MUC4: variants seen among roughly 807,000 people sequenced by gnomAD.
MUC4 encodes mucin-4.
In MUC4, 202 loss-of-function variants were observed where a neutral mutation model predicts 257.9. The ratio of observed to expected loss-of-function variants is 0.78; its 90% confidence interval spans 0.70 to 0.88. The LOEUF (loss-of-function observed/expected upper bound fraction) is 0.88. Among genes scored for constraint, MUC4 ranks in the 40% least tolerant of loss-of-function variants. The probability of loss-of-function intolerance (pLI) is 0.00; values close to 1 mark genes in which losing one functional copy is unlikely to be tolerated. For synonymous variants in MUC4, 2,351 were observed against 2,757.1 expected (o/e 0.85, Z 4.62); for missense variants, 5,976 against 6,513.7 (o/e 0.92, Z 2.84).
At position 195,784,131 on chromosome 3, in the gene MUC4, G is replaced by A. The variant is rs757710384; in HGVS notation, c.7449C>T (p.Val2483=). ...VSTGHTTPLL[V]TDASSVSTGD... ...CTGTGGATACTGACGAAGCGTCGGT[G>A]ACAAGAAGAGGGGTGGTGTGACCTG... The change falls in exon 2 of 25, where the codon GTC becomes GTT. Residue 2483 remains valine, a synonymous_variant. Transcript: ENST00000463781. 9.1e-6 allele frequency: 14 copies of A among 1,533,774 alleles called. 1 individual carries two copies. In the African/African-American group the frequency reaches 1.4e-4, roughly 15 times the overall value.
chr3:195,806,739 G>A (rs908734710), intron 1 of MUC4, among the ~76,000 whole-genome samples: 3 of 152,196 alleles, frequency 2.0e-5, no homozygotes, highest in African/African-American at 7.2e-5. Context: ...GGAGACCTGG[G>A]TTCTAGTCCC....
At chr3:195,759,461 A>G (rs1357840690) in intron 16 of MUC4, among the ~76,000 whole-genome samples, 200 bp from the exon 17 acceptor site, 4 of 152,156 alleles carry the variant, frequency 2.6e-5, no homozygotes, top group Admixed American at 2.0e-4. Flanking sequence ...CCAAATCTTT[A>G]GCCTCTTTCT....
In MUC4 at chr3:195,747,094, C is replaced by T. The variant is rs1715175017; in HGVS notation, c.*82G>A. 8.4e-6 allele frequency: 13 copies of T among 1,552,332 alleles called. No homozygotes were observed. Among genetic ancestry groups the T allele is most frequent in the South Asian group, 6.8e-5 (6 of 87,768 alleles). On this transcript the variant is annotated 3_prime_UTR_variant, in exon 25 of 25. Transcript: ENST00000463781. ...CAGCCTTCAGTCACCTTCCCTTTTC[C>T]AGTCTCCCAAAAGCAATGGCGCCTT...
At chr3:195,748,180 C>A (rs1715515942) in intron 24 of MUC4, among the ~76,000 whole-genome samples, 1 of 152,414 alleles carries the variant, frequency 6.6e-6, no homozygotes, top group Admixed American at 6.5e-5. Context: ...CCTCGCTTGA[C>A]TGAGGGGCAG....
At position 195,775,423 on chromosome 3, in the gene MUC4, A is replaced by G. The variant is rs113546887; in HGVS notation, c.12944-1118T>C. Among the ~76,000 whole-genome samples the G allele has an allele frequency of 7.1e-4, 72 of 101,958 alleles. 2 individuals are homozygous for G. Among genetic ancestry groups the G allele is most frequent in the African/African-American group, 2.1e-3 (50 of 23,382 alleles). The allele number at this position is 101,958 out of a possible 152,430, so 66.9% of individuals were successfully genotyped here. ...TACCTTCCACACCCATACCTTCCACACCCATACCTTCCACACCCATACCTT... is the reference window on the plus strand; with the variant it reads ...TACCTTCCACACCCATACCTTCCACGCCCATACCTTCCACACCCATACCTT... On this transcript the variant is annotated intron_variant, in intron 3 of 24. Coordinates refer to ENST00000463781, the MANE Select transcript of MUC4 (RefSeq NM_018406.7).
At chr3:195,759,367 T>C (rs1021221258) in intron 16 of MUC4, 106 bp from the exon 17 acceptor site, 2 of 1,405,652 alleles carry the variant, frequency 1.4e-6, no homozygotes, top group East Asian at 4.6e-5. Context: ...CCCAGGACTG[T>C]GACCCACCTC....
intron 16 of MUC4, among the ~76,000 whole-genome samples, chr3:195,759,918 A>AACACACACACACATGCACGCACGC (rs1718424747): frequency 1.3e-5 from 2 of 149,738 alleles, no homozygotes; most frequent in Non-Finnish European, 3.0e-5. Context: ...AAACTCCGTC[A>AACACACACACACATGCACGCACGC]ACACACACAC....
intron 5 of MUC4, chr3:195,770,586 C>T (rs879108543): frequency 5.0e-6 from 3 of 599,656 alleles, no homozygotes; most frequent in South Asian, 4.1e-5. Flanking sequence ...AATGCAGGGT[C>T]GTGGCCCAGA....
At chr3:195,775,452 CACCCATACCTTCCACA>C (rs1444027682) in intron 3 of MUC4, among the ~76,000 whole-genome samples, 3 of 117,976 alleles carry the variant, frequency 2.5e-5, no homozygotes, top group Admixed American at 8.0e-5. Flanking sequence ...ATACCTTCCA[CACCCATACCTTCCACA>C]GTCATACCTT....
intron 1 of MUC4, among the ~76,000 whole-genome samples, chr3:195,793,585 C>T (rs1276507874): frequency 2.0e-5 from 3 of 152,120 alleles, no homozygotes; most frequent in Non-Finnish European, 4.4e-5. Flanking sequence ...CTGATAAGCA[C>T]TGCTTCAAAT....
Position 195,786,072 on chromosome 3 carries a change from A to C in MUC4, c.5508T>G (p.Gly1836=). The C allele has an allele frequency of 2.0e-6, 3 of 1,533,698 alleles. No homozygotes were observed. The highest frequency in any genetic ancestry group is 8.8e-7 in the Non-Finnish European group (1 of 1,137,970). The stretch of plus-strand genomic sequence containing the variant: ...TGGTGACAGGAAGAGAGGTGGTGTC[A>C]CCTGTGGATGCTGAGGAAGCGTCGG... ...PVTDASSAST[G]DTTSLPVTIP... The change falls in exon 2 of 25, where the codon GGT becomes GGG. Residue 1836 remains glycine (G), a synonymous_variant. Transcript: ENST00000463781.
At chr3:195,767,885 A>G (rs1721816852) in intron 7 of MUC4, among the ~76,000 whole-genome samples, 28 of 142,026 alleles carry the variant, frequency 2.0e-4, no homozygotes, top group African/African-American at 8.0e-4. Flanking sequence ...CATCACCACC[A>G]TCACCACCAC....
chr3:195,755,278 G>A lies in MUC4; in HGVS notation c.15169-906C>T, dbSNP rs1448738858. The stretch of plus-strand genomic sequence containing the variant: ...TGTCTCGATCTCGGCTCACTGCAAT[G>A]TCCCCCTCCCAAGTTAAAGCAATTC... On this transcript the variant is annotated intron_variant, in intron 18 of 24. Coordinates refer to ENST00000463781, the MANE Select transcript of MUC4 (RefSeq NM_018406.7). The surrounding 1 kb of genome is among the most constrained non-coding windows in gnomAD (Gnocchi z 5.0). Among the ~76,000 whole-genome samples, 1 of 150,764 alleles carries A rather than the reference G, an allele frequency of 6.6e-6. No individual in the cohort carries two copies. Among genetic ancestry groups the A allele is most frequent in the East Asian group, 1.9e-4 (1 of 5,134 alleles).
Position 195,788,693 on chromosome 3 carries a change from C to T in MUC4, c.2887G>A (p.Gly963Ser), listed in dbSNP as rs370236800. ...ATGAGGGCCGTGGTGAAGGTTTTAC[C>T]AGACCCTGAAGGTGACAGAGTGTGG... The part of the protein sequence containing the change: ...ETHTLSPSGS[G>S]KTFTTALISN... Residue 963 changes from glycine (G) to serine (S), a missense_variant, in exon 2 of 25, where the codon GGT becomes AGT. Physicochemically the swap from Gly to Ser is moderately conservative, Grantham distance 56 (BLOSUM62 0). This residue lies in a region of MUC4 where 1,583 missense variants were observed against 1,257.4 expected (regional missense o/e 1.26). Coordinates refer to ENST00000463781, the MANE Select transcript of MUC4 (RefSeq NM_018406.7). The T allele has an allele frequency of 4.3e-6, 7 of 1,613,454 alleles. No homozygotes were observed. The South Asian group carries it at 7.7e-5, about 18-fold the overall frequency.
rs1383700948 is a variant in MUC4, at chr3:195,786,529, G to C, written c.5051C>G (p.Thr1684Ser). ...STGHATPLPVTGLSSATTDDT... is the reference protein window; with the variant it reads ...STGHATPLPVSGLSSATTDDT... ...ATCTGTGGTAGCTGAGGAAAGGCCGGTGACAGGAAGAGGGGTGGCGTGACC... is the reference window on the plus strand; with the variant it reads ...ATCTGTGGTAGCTGAGGAAAGGCCGCTGACAGGAAGAGGGGTGGCGTGACC... The change falls in exon 2 of 25, where the codon ACC becomes AGC. Residue 1684 changes from threonine (T) to serine (S), a missense_variant. By Grantham distance (58) the Thr-to-Ser change is moderately conservative. Around this residue, in one of 44 missense-constraint regions of MUC4, gnomAD observed 138 missense variants for 107.8 expected, o/e 1.28. Coordinates refer to ENST00000463781, the MANE Select transcript of MUC4 (RefSeq NM_018406.7). 2.0e-6 allele frequency: 3 copies of C among 1,516,000 alleles called. No individual in the cohort carries two copies. The highest frequency in any genetic ancestry group is 1.8e-6 in the Non-Finnish European group (2 of 1,123,464). 93.9% of individuals were successfully genotyped at this position (1,516,000 alleles called of 1,614,324 possible).
rs371696097 is a variant in MUC4, at chr3:195,761,134, G to A, written c.14615-17C>T. 3.2e-5 allele frequency: 51 copies of A among 1,597,930 alleles called. No homozygotes were observed. The highest frequency in any genetic ancestry group is 8.0e-5 in the African/African-American group (6 of 74,610). ...TGATCTGCCCTGTAACACACAGAGC[G>A]CGGTGGTACCAGGCATGGCACTCAG... On this transcript the variant is annotated splice_polypyrimidine_tract_variant and intron_variant, in intron 15 of 24. Transcript: ENST00000463781.
intron 4 of MUC4, among the ~76,000 whole-genome samples, chr3:195,772,761 C>A (rs112974991): frequency 0.031 from 3,768 of 121,438 alleles, 10 homozygotes; most frequent in African/African-American, 0.073. Context: ...GGTGTAGACA[C>A]CCCCTCTCCA....
At chr3:195,771,009 TC>T in intron 5 of MUC4, 1 of 343,244 alleles carries the variant, frequency 2.9e-6, no homozygotes, top group Non-Finnish European at 5.9e-6. Context: ...TCCTGGTCAG[TC>T]TCGTGGTTGG....
chr3:195,780,034 A>C lies in MUC4; in HGVS notation c.11546T>G (p.Val3849Gly). Residue 3849 changes from valine (V) to glycine (G), a missense_variant, in exon 2 of 25, where the codon GTA becomes GGA. Physicochemically the swap from Val to Gly is moderately radical, Grantham distance 109 (BLOSUM62 -3). This residue lies in a region of MUC4 where 330 missense variants were observed against 262.0 expected (regional missense o/e 1.26). Transcript: ENST00000463781. ...TPLPVTIPSS[V>G]STGDTMPLPV... ...AAGAGGCATGGTGTCACCTGTGGAT[A>C]CTGAGGAAGGGATGGTGACAGGAAG... The C allele has an allele frequency of 1.7e-5, 11 of 632,594 alleles. No homozygotes were observed. Among genetic ancestry groups the C allele is most frequent in the Admixed American group, 5.7e-5 (1 of 17,648 alleles). 39.2% of individuals were successfully genotyped at this position (632,594 alleles called of 1,614,324 possible).
Sources: allele counts gnomAD v4.1 joint callset (sites outside exome capture counted in the v4.1 genomes callset), GRCh38; gene constraint gnomAD v4.1.1; regional missense constraint gnomAD v4.1.1; non-coding constraint Gnocchi (gnomAD v3.1); transcripts MANE v1.5; gene names NCBI Gene and HGNC (gene_info 2026-07-23, HGNC 2026-07-21).